LPIN2: variants seen among roughly 807,000 people sequenced by gnomAD.
The protein encoded by LPIN2 is phosphatidate phosphatase LPIN2.
In LPIN2, 55 loss-of-function variants were observed where a neutral mutation model predicts 111.4. That is an observed-to-expected ratio of 0.49 (90% CI 0.40 to 0.62). LPIN2 has a LOEUF of 0.62. Among genes scored for constraint, LPIN2 ranks in the 20% least tolerant of loss-of-function variants. The probability of loss-of-function intolerance (pLI) is 0.00; values close to 1 mark genes in which losing one functional copy is unlikely to be tolerated. For synonymous variants in LPIN2, 425 were observed against 414.0 expected (o/e 1.03, Z -0.32); for missense variants, 992 against 1,112.1 (o/e 0.89, Z 1.54).
intron 1 of LPIN2, among the ~76,000 whole-genome samples, chr18:2,985,866 T>C (rs570387996): frequency 4.8e-4 from 73 of 152,300 alleles, no homozygotes; most frequent in African/African-American, 1.7e-3. Flanking sequence ...GGATTACCAA[T>C]GAAGATGTGA....
chr18:2,925,246 A>C lies in LPIN2; in HGVS notation c.1916T>G (p.Leu639Arg). Residue 639 changes from leucine (L) to arginine (R), a missense_variant, in exon 14 of 20, where the codon CTC (leucine) becomes CGC (arginine). Physicochemically the swap from Leu to Arg is moderately radical, Grantham distance 102 (BLOSUM62 -2). This residue lies in a region of LPIN2 where 709 missense variants were observed against 753.2 expected (regional missense o/e 0.94). Coordinates refer to ENST00000677752, the MANE Select transcript of LPIN2 (RefSeq NM_001375808.2). This position sits in a 1 kb window ranked among gnomAD's most constrained non-coding sequence, Gnocchi z 4.1. ...CACGATCTGGTCTGAGGAGAGGCGG[A>C]GAGACTTCTTATATGAAGTTGTGCT... ...HGSTTSYKKS[L>R]RLSSDQIAKL... is the part of the protein sequence containing the mutation. 6.2e-7 allele frequency: 1 copy of C among 1,614,194 alleles called. No individual in the cohort carries two copies. The highest frequency in any genetic ancestry group is 8.5e-7 in the Non-Finnish European group (1 of 1,180,038).
intron 1 of LPIN2, among the ~76,000 whole-genome samples, chr18:2,964,345 C>T (rs2077759633): frequency 6.6e-6 from 1 of 151,212 alleles, no homozygotes; most frequent in Non-Finnish European, 1.5e-5. Flanking sequence ...TCTATGACCT[C>T]CCTCTGTCCC....
intron 16 of LPIN2, among the ~76,000 whole-genome samples, chr18:2,922,902 G>A (rs16944053): frequency 0.16 from 24,111 of 152,150 alleles, 2,610 homozygotes; most frequent in East Asian, 0.58. Flanking sequence ...CATCAGACAA[G>A]AAGCAAAATT....
intron 17 of LPIN2, 58 bp from the exon 18 acceptor site, chr18:2,921,705 G>C: frequency 2.4e-6 from 3 of 1,255,208 alleles, no homozygotes; most frequent in Non-Finnish European, 3.5e-6. Context: ...TCCCCAGTGA[G>C]TGGTCCTAAA....
At chr18:2,959,600 G>C (rs983105793) in intron 2 of LPIN2, among the ~76,000 whole-genome samples, 10 of 152,164 alleles carry the variant, frequency 6.6e-5, no homozygotes, top group Admixed American at 3.3e-4. Flanking sequence ...TACTAGCTCT[G>C]TTTTCTAATT....
chr18:2,929,333 A>C (rs986614586), intron 9 of LPIN2, among the ~76,000 whole-genome samples, 175 bp from the exon 10 acceptor site: 1 of 152,238 alleles, frequency 6.6e-6, no homozygotes, highest in Non-Finnish European at 1.5e-5. Flanking sequence ...AGGACAAGAA[A>C]GAACACTTCT....
chr18:2,958,151 A>AAAAAAC (rs2077644868), intron 2 of LPIN2, among the ~76,000 whole-genome samples: 1 of 121,322 alleles, frequency 8.2e-6, no homozygotes, highest in African/African-American at 3.2e-5. Context: ...CAAAAAAAAA[A>AAAAAAC]AAAAAACAAC....
intron 1 of LPIN2, among the ~76,000 whole-genome samples, chr18:2,971,758 A>AC (rs1407468951): frequency 3.3e-5 from 5 of 151,250 alleles, no homozygotes; most frequent in Non-Finnish European, 5.9e-5. Flanking sequence ...AAAAAAAAAA[A>AC]AAAAACAGGC....
At chr18:2,972,521 G>C (rs1044025754) in intron 1 of LPIN2, 3 of 152,176 alleles carry the variant, frequency 2.0e-5, no homozygotes, top group Non-Finnish European at 4.4e-5. Context: ...AAAATGGCTG[G>C]AAACAATAGT....
chr18:2,997,862 AG>A (rs1362927361), intron 1 of LPIN2, among the ~76,000 whole-genome samples: 1 of 152,176 alleles, frequency 6.6e-6, no homozygotes, highest in Non-Finnish European at 1.5e-5. Flanking sequence ...AGCTTCCCAG[AG>A]GGAAGTCTGC....
intron 1 of LPIN2, among the ~76,000 whole-genome samples, chr18:3,002,236 C>CAAAAA (rs765641037): frequency 3.6e-5 from 3 of 82,812 alleles, no homozygotes; most frequent in African/African-American, 4.7e-5. Context: ...TTCAAAAGAC[C>CAAAAA]AAAAAAAAAA....
At chr18:2,987,894 C>T (rs2078209248) in intron 1 of LPIN2, among the ~76,000 whole-genome samples, 1 of 150,942 alleles carries the variant, frequency 6.6e-6, no homozygotes, top group African/African-American at 2.4e-5. Context: ...CAAGAATTAG[C>T]TGAGTGTGGT....
intron 1 of LPIN2, among the ~76,000 whole-genome samples, chr18:2,986,225 T>C (rs1353021625): frequency 6.6e-6 from 1 of 152,272 alleles, no homozygotes; most frequent in Non-Finnish European, 1.5e-5. Context: ...TCTTGGGTTT[T>C]TCAAACATTT....
rs375298800 is a variant in LPIN2, at chr18:2,951,398, C to A, written c.289-42G>T. ...AAAGAAAAGTTATCCATGACAAACT[C>A]GACAGTGAATTAAAGCAGTAATATT... On this transcript the variant is annotated intron_variant, in intron 3 of 19. Coordinates refer to ENST00000677752, the MANE Select transcript of LPIN2 (RefSeq NM_001375808.2). The A allele has an allele frequency of 2.7e-6, 4 of 1,508,560 alleles. No individual in the cohort carries two copies. The Admixed American group carries it at 5.0e-5, about 19-fold the overall frequency. 93.4% of individuals were successfully genotyped at this position (1,508,560 alleles called of 1,614,324 possible).
intron 15 of LPIN2, 87 bp downstream of exon 15, chr18:2,924,311 C>T: frequency 1.3e-6 from 2 of 1,538,684 alleles, no homozygotes; most frequent in Non-Finnish European, 1.8e-6. Context: ...CTTCGAGCCC[C>T]AGGTGAGGAA....
At chr18:2,989,963 T>G (rs904506583) in intron 1 of LPIN2, among the ~76,000 whole-genome samples, 4 of 151,702 alleles carry the variant, frequency 2.6e-5, no homozygotes, top group African/African-American at 7.3e-5. Flanking sequence ...ATTGTAGTAC[T>G]GGCATAAAAC....
chr18:3,012,693 C>A (rs1318582308), intron 1 of LPIN2, among the ~76,000 whole-genome samples: 2 of 152,152 alleles, frequency 1.3e-5, no homozygotes, highest in Non-Finnish European at 2.9e-5. Context: ...CTTCCGCACT[C>A]CCCTCCGCGC....
Position 2,973,122 on chromosome 18 carries a change from A to G in LPIN2, c.-9-12273T>C, listed in dbSNP as rs181414392. Among the ~76,000 whole-genome samples, 296 of 152,356 alleles carry G rather than the reference A, an allele frequency of 1.9e-3. 1 individual carries two copies. The highest frequency in any genetic ancestry group is 6.8e-3 in the African/African-American group (281 of 41,594). On this transcript the variant is annotated intron_variant, in intron 1 of 19. Coordinates refer to ENST00000677752, the MANE Select transcript of LPIN2 (RefSeq NM_001375808.2). Reference sequence around the variant, plus strand: ...CAGAAAAAATTCCAGCTAAATGTTCATGCCAATTTAGCTATGAAGTTTTAA... The same window carrying G: ...CAGAAAAAATTCCAGCTAAATGTTCGTGCCAATTTAGCTATGAAGTTTTAA...
At position 2,938,663 on chromosome 18, in the gene LPIN2, G is replaced by A. The variant is rs187464539; in HGVS notation, c.823-626C>T. On this transcript the variant is annotated intron_variant, in intron 6 of 19. Transcript: ENST00000677752. The stretch of plus-strand genomic sequence containing the variant: ...CTAAATGAAAATTTCACCCTCCTTG[G>A]ACCACATCAAGGCTCTGTTAAAACA... Among the ~76,000 whole-genome samples the A allele has an allele frequency of 5.9e-5, 9 of 152,260 alleles. No homozygotes were observed. In the South Asian group the frequency reaches 6.2e-4, roughly 11 times the overall value.
Sources: gnomAD v4.1 joint callset for allele counts (sites outside exome capture counted in the v4.1 genomes callset) on GRCh38, gnomAD v4.1.1 for gene constraint, gnomAD v4.1.1 regional missense constraint, Gnocchi (gnomAD v3.1) non-coding constraint, MANE v1.5 for transcripts, NCBI Gene and HGNC (gene_info 2026-07-23, HGNC 2026-07-21) for gene names.